Variants in NSMAF observed in about 807,000 individuals in gnomAD.
NSMAF encodes protein FAN.
In NSMAF, 90 loss-of-function variants were observed where a neutral mutation model predicts 134.9. The ratio of observed to expected loss-of-function variants is 0.67; its 90% CI spans 0.56 to 0.79. NSMAF has a LOEUF of 0.79. Ranked by LOEUF, NSMAF falls within the 30% of genes least tolerant of loss-of-function variation. The probability of loss-of-function intolerance (pLI) is 0.00; values close to 1 mark genes in which losing one functional copy is unlikely to be tolerated. For missense variants in NSMAF, 1,010 were observed against 1,119.0 expected (o/e 0.90, Z 1.39); for synonymous variants, 358 against 389.6 (o/e 0.92, Z 0.96).
intron 5 of NSMAF, among the ~76,000 whole-genome samples, chr8:58,632,832 C>A (rs1442982696): frequency 6.6e-6 from 1 of 152,200 alleles, no homozygotes; most frequent in Non-Finnish European, 1.5e-5. Context: ...TTGAAGCCTG[C>A]TCCTTCCCAA....
intron 2 of NSMAF, among the ~76,000 whole-genome samples, chr8:58,638,010 G>T (rs1807242306): frequency 6.6e-6 from 1 of 152,094 alleles, no homozygotes; most frequent in Non-Finnish European, 1.5e-5. Context: ...AATTAACATT[G>T]ATATTGACCC....
At chr8:58,600,180 A>C (rs1806246311) in intron 16 of NSMAF, 159 bp from the exon 17 acceptor site, 4 of 622,410 alleles carry the variant, frequency 6.4e-6, no homozygotes, top group Non-Finnish European at 1.1e-5. Context: ...CACTTTAACA[A>C]AAGGGAACAC....
intron 1 of NSMAF, among the ~76,000 whole-genome samples, chr8:58,656,016 C>CT (rs143612297): frequency 4.0e-5 from 6 of 150,664 alleles, no homozygotes; most frequent in African/African-American, 1.2e-4. Context: ...CTATCTAAAT[C>CT]TTTTTTTTGT....
intron 9 of NSMAF, among the ~76,000 whole-genome samples, chr8:58,613,641 A>G (rs1806584342): frequency 1.3e-5 from 2 of 152,206 alleles, no homozygotes; most frequent in Admixed American, 1.3e-4. Context: ...ATGACACTGT[A>G]TATAATAGTG....
intron 1 of NSMAF, among the ~76,000 whole-genome samples, chr8:58,646,951 T>C (rs913016201): frequency 2.6e-5 from 4 of 152,354 alleles, no homozygotes; most frequent in Admixed American, 2.6e-4. Flanking sequence ...TTTCCTATTC[T>C]TACATCACCT....
chr8:58,605,606 A>G (rs1399580350), intron 12 of NSMAF, among the ~76,000 whole-genome samples: 1 of 152,214 alleles, frequency 6.6e-6, no homozygotes, highest in African/African-American at 2.4e-5. Context: ...AGAAGAAATT[A>G]GACCCACAAA....
chr8:58,588,677 T>G lies in NSMAF; in HGVS notation c.2211+775A>C, dbSNP rs971154622. On this transcript the variant is annotated intron_variant, in intron 26 of 30. Transcript: ENST00000038176. ...TTCTTAATGGCCTTGTCCTTGGGCA[T>G]GCATCGGGCACAGTTAGTGCAGCGA... The G allele has an allele frequency of 6.5e-6, 10 of 1,546,912 alleles. No homozygotes were observed. The East Asian group carries it at 9.0e-5, about 14-fold the overall frequency.
At chr8:58,650,600 GC>G (rs963787243) in intron 1 of NSMAF, among the ~76,000 whole-genome samples, 1 of 152,080 alleles carries the variant, frequency 6.6e-6, no homozygotes, top group Non-Finnish European at 1.5e-5. Flanking sequence ...TCCAGTAACA[GC>G]ACCTATCTTT....
intron 1 of NSMAF, 101 bp downstream of exon 1, chr8:58,659,472 G>A (rs1333823818): frequency 2.7e-6 from 4 of 1,491,728 alleles, no homozygotes; most frequent in East Asian, 2.8e-5. Flanking sequence ...CTCCGTGCCC[G>A]GCCCCCACGC....
In NSMAF at chr8:58,631,031, G is replaced by A. The variant is rs139446771; in HGVS notation, c.384+465C>T. Among the ~76,000 whole-genome samples the A allele has an allele frequency of 5.7e-3, 865 of 152,208 alleles. 8 individuals carry two copies. The highest frequency in any genetic ancestry group is 0.02 in the African/African-American group (812 of 41,512). On this transcript the variant is annotated intron_variant, in intron 6 of 30. Transcript: ENST00000038176. ...ATGAAATGTCTATGCTTAAGTGAAA[G>A]GTCCCAGGGAACCAGACATTGTATC...
At chr8:58,603,516 C>T (rs1763227276) in intron 12 of NSMAF, 130 bp from the exon 13 acceptor site, 1 of 758,496 alleles carries the variant, frequency 1.3e-6, no homozygotes, top group Non-Finnish European at 2.1e-6. Flanking sequence ...GAAAAGTAGG[C>T]TGCTGACTTG....
intron 6 of NSMAF, among the ~76,000 whole-genome samples, chr8:58,624,105 G>A (rs1456203887): frequency 7.5e-6 from 1 of 133,142 alleles, no homozygotes; most frequent in African/African-American, 2.8e-5. Flanking sequence ...GCAGTGGCAC[G>A]ATCTCGGCTC....
intron 9 of NSMAF, among the ~76,000 whole-genome samples, chr8:58,621,643 A>C (rs1806790594): frequency 6.6e-6 from 1 of 152,166 alleles, no homozygotes; most frequent in Non-Finnish European, 1.5e-5. Flanking sequence ...ATAGCCATTC[A>C]AAATTTACTA....
intron 23 of NSMAF, 158 bp from the exon 24 acceptor site, chr8:58,591,092 C>A: frequency 2.7e-6 from 2 of 747,596 alleles, no homozygotes; most frequent in Non-Finnish European, 3.9e-6. Context: ...GCTAGATGAC[C>A]TAAGGCCTCA....
chr8:58,607,910 G>A, intron 10 of NSMAF, 70 bp from the exon 11 acceptor site: 4 of 1,236,658 alleles, frequency 3.2e-6, no homozygotes, highest in Admixed American at 3.6e-5. Flanking sequence ...TATAGTATCA[G>A]AAAGGGGAAA....
chr8:58,600,084 A>G, intron 16 of NSMAF, 63 bp from the exon 17 acceptor site: 3 of 1,224,980 alleles, frequency 2.4e-6, no homozygotes, highest in Non-Finnish European at 3.6e-6. Context: ...AGCATTTCCT[A>G]TGCACTTGGG....
chr8:58,592,586 C>T (rs1806042258), intron 23 of NSMAF, among the ~76,000 whole-genome samples: 1 of 152,050 alleles, frequency 6.6e-6, no homozygotes, highest in Non-Finnish European at 1.5e-5. Context: ...AAGCTTTTGA[C>T]TTTATTTTTA....
Position 58,659,573 on chromosome 8 carries a change from C to G in NSMAF, c.59G>C (p.Arg20Thr), listed in dbSNP as rs1193672807. 6.5e-7 allele frequency: 1 copy of G among 1,528,326 alleles called. No homozygotes were observed. The highest frequency in any genetic ancestry group is 1.2e-5 in the South Asian group (1 of 81,714). The allele number at this position is 1,528,326 out of a possible 1,614,324, so 94.7% of individuals were successfully genotyped here. The change falls in exon 1 of 31, where the codon AGA becomes ACA. Residue 20 changes from arginine (R) to threonine (T), a missense_variant and splice_region_variant. By Grantham distance (71) the Arg-to-Thr change is moderately conservative. Coordinates refer to ENST00000038176, the MANE Select transcript of NSMAF (RefSeq NM_003580.4). ...GGCCCTTCTTCAGCTGGGCGCGCAC[C>G]TCTCCTTGGAGTAGAGCTGCAGCTG... ...EQQLQLYSKE[R>T]FSLLLLNLEE...
chr8:58,599,826 A>G lies in NSMAF; in HGVS notation c.1377T>C (p.Asn459=), dbSNP rs1053602103. 6.2e-7 allele frequency: 1 copy of G among 1,614,178 alleles called. No individual in the cohort carries two copies. The highest frequency in any genetic ancestry group is 2.2e-5 in the East Asian group (1 of 44,878). Residue 459 remains asparagine (N), a synonymous_variant, in exon 18 of 31, where the codon AAT becomes AAC. Coordinates refer to ENST00000038176, the MANE Select transcript of NSMAF (RefSeq NM_003580.4). ...FYGDDVSFLV[N]SLKLDLGKRQ... Reference sequence around the variant, plus strand: ...TCTTTCCCAAATCCAACTTCAGGCTATTGACTAGAAAGCTCACATCATCAC... The same window carrying G: ...TCTTTCCCAAATCCAACTTCAGGCTGTTGACTAGAAAGCTCACATCATCAC...
Sources: gnomAD v4.1 joint callset for allele counts (sites outside exome capture counted in the v4.1 genomes callset) on GRCh38, gnomAD v4.1.1 for gene constraint, MANE v1.5 for transcripts, NCBI Gene and HGNC (gene_info 2026-07-23, HGNC 2026-07-21) for gene names.